The following RNF216 variants were observed in gnomAD, a reference collection of about 807,000 sequenced individuals.
RNF216 encodes ring finger protein 216.
A neutral mutation model predicts 110.8 loss-of-function variants in RNF216; 72 were observed. The ratio of observed to expected loss-of-function variants is 0.65; its 90% CI spans 0.54 to 0.79. RNF216 has a LOEUF of 0.79. RNF216 is among the 30% of genes least tolerant of loss of function. The pLI is 0.00. For synonymous variants in RNF216, 495 were observed against 407.5 expected (o/e 1.21, Z -2.59); for missense variants, 1,342 against 1,141.2 (o/e 1.18, Z -2.54).
rs906891297 is a variant in RNF216, at chr7:5,712,737, C to T, written c.1960G>A (p.Ala654Thr). The change falls in exon 12 of 17, where the codon GCC (alanine) becomes ACC (threonine). Residue 654 changes from alanine to threonine, a missense_variant. Physicochemically the swap from Ala to Thr is moderately conservative, Grantham distance 58 (BLOSUM62 0). Transcript: ENST00000389902. ...ERKAEEEVAAAYADELVRCPS... is the reference protein window; with the variant it reads ...ERKAEEEVAATYADELVRCPS... ...AACCTGACAAGCTCGTCGGCGTAGG[C>T]TGCCGCAACCTCCTCCTCGGCTTTT... 6.2e-7 allele frequency: 1 copy of T among 1,614,110 alleles called. No individual in the cohort carries two copies. The highest frequency in any genetic ancestry group is 8.5e-7 in the Non-Finnish European group (1 of 1,180,018).
chr7:5,702,180 C>T (rs528969150), intron 13 of RNF216, among the ~76,000 whole-genome samples: 10 of 152,094 alleles, frequency 6.6e-5, no homozygotes, highest in African/African-American at 9.6e-5. Flanking sequence ...CTGCGAGTTT[C>T]GAGGGGAGAA....
At chr7:5,757,688 C>CA (rs972698080) in intron 2 of RNF216, among the ~76,000 whole-genome samples, 4 of 151,772 alleles carry the variant, frequency 2.6e-5, no homozygotes, top group African/African-American at 9.7e-5. Context: ...ATGACAGAGT[C>CA]AAAAAAAGCA....
At position 5,702,310 on chromosome 7, in the gene RNF216, T is replaced by C. The variant is rs548347933; in HGVS notation, c.2061+9451A>G. Among the ~76,000 whole-genome samples the C allele has an allele frequency of 1.1e-4, 17 of 152,282 alleles. No homozygotes were observed. The South Asian group carries it at 2.7e-3, about 24-fold the overall frequency. ...GGGGAGAGGCAGGTGCTTCTACCAT[T>C]AGCATCTGACATGAGGGATAAAGTA... On this transcript the variant is annotated intron_variant, in intron 13 of 16. Coordinates refer to ENST00000389902, the MANE Select transcript of RNF216 (RefSeq NM_207111.4).
intron 7 of RNF216, among the ~76,000 whole-genome samples, chr7:5,725,785 G>A (rs1046134799): frequency 6.6e-6 from 1 of 151,044 alleles, no homozygotes; most frequent in African/African-American, 2.4e-5. Flanking sequence ...AGGAGGCGGA[G>A]GTCGCAGTGA....
chr7:5,666,503 G>A (rs577179009), intron 13 of RNF216: 1 of 152,556 alleles, frequency 6.6e-6, no homozygotes, highest in African/African-American at 2.4e-5. Flanking sequence ...AGGTGGAGAG[G>A]AGGGTTGGGT....
chr7:5,674,033 A>AT lies in RNF216; in HGVS notation c.2062-21524dup, dbSNP rs77889305. ...CACCACCATGCCTGGATAATTTTCA[A>AT]TTTTTTTTTTTTTTACGACGGAGTC... On this transcript the variant is annotated intron_variant, in intron 13 of 16. Transcript: ENST00000389902. Among the ~76,000 whole-genome samples, 1,141 of 127,488 alleles carry AT rather than the reference A, an allele frequency of 8.9e-3. 9 individuals are homozygous for AT. The highest frequency in any genetic ancestry group is 0.022 in the African/African-American group (758 of 33,728). The allele number at this position is 127,488 out of a possible 152,430, so 83.6% of individuals were successfully genotyped here.
chr7:5,653,828 A>G (rs1472370577), intron 13 of RNF216, among the ~76,000 whole-genome samples: 1 of 152,100 alleles, frequency 6.6e-6, no homozygotes, highest in Non-Finnish European at 1.5e-5. Context: ...AAACAGATCA[A>G]CACTCCAGAC....
intron 13 of RNF216, among the ~76,000 whole-genome samples, chr7:5,705,199 G>T (rs983207668): frequency 1.6e-4 from 24 of 152,100 alleles, no homozygotes; most frequent in African/African-American, 5.6e-4. Context: ...GATTTATGGA[G>T]CACCTACTAT....
intron 5 of RNF216, among the ~76,000 whole-genome samples, chr7:5,735,145 CA>C (rs1387647453): frequency 6.6e-6 from 1 of 151,174 alleles, no homozygotes; most frequent in African/African-American, 2.4e-5. Flanking sequence ...GACTTCGTCT[CA>C]AAAAAAATAA....
At chr7:5,755,950 T>C (rs977688343) in intron 2 of RNF216, among the ~76,000 whole-genome samples, 1 of 143,130 alleles carries the variant, frequency 7.0e-6, no homozygotes, top group African/African-American at 2.5e-5. Context: ...AACACAATCA[T>C]GCTCATTCAT....
chr7:5,741,682 G>A lies in RNF216; in HGVS notation c.335C>T (p.Ser112Leu), dbSNP rs543553304. The A allele has an allele frequency of 6.2e-7, 1 of 1,614,174 alleles. No homozygotes were observed. The highest frequency in any genetic ancestry group is 1.7e-5 in the Admixed American group (1 of 60,020). The change falls in exon 4 of 17, where the codon TCA (serine) becomes TTA (leucine). Residue 112 changes from serine (S) to leucine (L), a missense_variant. By Grantham distance (145) the Ser-to-Leu change is moderately radical (BLOSUM62 -2). Transcript: ENST00000389902. ...AFESDKSSYFSVCNNPLFDSG... is the reference protein window; with the variant it reads ...AFESDKSSYFLVCNNPLFDSG... Reference sequence around the variant, plus strand: ...ATCAAACAATGGGTTGTTACACACTGAAAAATAGCTGCTCTTATCTGATTC... The same window carrying A: ...ATCAAACAATGGGTTGTTACACACTAAAAAATAGCTGCTCTTATCTGATTC...
At position 5,696,655 on chromosome 7, in the gene RNF216, C is replaced by A. The variant is rs1368120110; in HGVS notation, c.2061+15106G>T. On this transcript the variant is annotated intron_variant, in intron 13 of 16. Transcript: ENST00000389902. This position sits in a 1 kb window ranked among gnomAD's most constrained non-coding sequence, Gnocchi z 5.4. ...CTGCCATCCTCGCTTTTGACTACTG[C>A]CCCACGTCTCCCCTCTTGCCCCCAA... Among the ~76,000 whole-genome samples the A allele has an allele frequency of 6.6e-6, 1 of 152,184 alleles. No homozygotes were observed. Among genetic ancestry groups the A allele is most frequent in the Non-Finnish European group, 1.5e-5 (1 of 68,022 alleles).
At chr7:5,703,259 C>T (rs952329219) in intron 13 of RNF216, among the ~76,000 whole-genome samples, 4 of 152,184 alleles carry the variant, frequency 2.6e-5, no homozygotes, top group Non-Finnish European at 4.4e-5. Flanking sequence ...AAAGGTCTTC[C>T]CTGATAGTAG....
chr7:5,765,549 G>C (rs1796158733), intron 1 of RNF216, among the ~76,000 whole-genome samples: 1 of 151,754 alleles, frequency 6.6e-6, no homozygotes, highest in African/African-American at 2.4e-5. Flanking sequence ...AGGACTGCTT[G>C]AGCCCAGGAG....
chr7:5,703,035 G>A (rs1434573720), intron 13 of RNF216, among the ~76,000 whole-genome samples: 1 of 152,180 alleles, frequency 6.6e-6, no homozygotes, highest in Non-Finnish European at 1.5e-5. Context: ...GCTCTTCAGA[G>A]GGACCCATGC....
At chr7:5,765,965 AAAG>A (rs1233808535) in intron 1 of RNF216, among the ~76,000 whole-genome samples, 2,544 of 147,468 alleles carry the variant, frequency 0.017, 81 homozygotes, top group African/African-American at 0.06. Flanking sequence ...AAAAAAAAAA[AAAG>A]AAAGAAAGAA....
chr7:5,636,860 T>C (rs1044297965), intron 15 of RNF216, among the ~76,000 whole-genome samples: 1 of 152,164 alleles, frequency 6.6e-6, no homozygotes, highest in Non-Finnish European at 1.5e-5. Context: ...AGGCAGTGCA[T>C]GCTATGGCAC....
intron 5 of RNF216, among the ~76,000 whole-genome samples, chr7:5,737,524 AT>A (rs1475248057): frequency 0.017 from 14 of 822 alleles, no homozygotes; most frequent in Middle Eastern, 0.17. Flanking sequence ...TCAATTAAAA[AT>A]AATAATAATA....
chr7:5,765,415 G>A (rs1796151667), intron 1 of RNF216, among the ~76,000 whole-genome samples: 1 of 151,998 alleles, frequency 6.6e-6, no homozygotes. Context: ...AGTGAGCTGA[G>A]ATTGTGCCAC....
Sources: allele counts gnomAD v4.1 joint callset (sites outside exome capture counted in the v4.1 genomes callset), GRCh38; gene constraint gnomAD v4.1.1; non-coding constraint Gnocchi (gnomAD v3.1); transcripts MANE v1.5; gene names NCBI Gene and HGNC (gene_info 2026-07-23, HGNC 2026-07-21).